Variants in RFC3 observed in about 807,000 individuals in gnomAD.
The protein encoded by RFC3 is A1 38 kDa subunit.
Under a neutral mutation model 45.1 loss-of-function variants are expected in RFC3, and 41 were observed. The observed-to-expected ratio is 0.91, with a 90% CI of 0.71 to 1.18. The LOEUF (loss-of-function observed/expected upper bound fraction) is 1.18. Among genes scored for constraint, RFC3 ranks in the 50% most tolerant of loss-of-function variants. RFC3 has a pLI of 0.00. For missense variants in RFC3, 423 were observed against 428.1 expected (o/e 0.99, Z 0.10); for synonymous variants, 149 against 144.0 (o/e 1.03, Z -0.25).
chr13:33,875,374 A>G (rs1398158965), intron 8 of RFC3, among the ~76,000 whole-genome samples: 1 of 152,234 alleles, frequency 6.6e-6, no homozygotes, highest in Non-Finnish European at 1.5e-5. Flanking sequence ...TGAGACCTGC[A>G]GAATGACGAA....
intron 7 of RFC3, among the ~76,000 whole-genome samples, chr13:33,834,329 T>TATATATATATATATACACATCC (rs1300798923): frequency 8.0e-6 from 1 of 125,106 alleles, no homozygotes; most frequent in South Asian, 2.6e-4. Flanking sequence ...TATATATATA[T>TATATATATATATATACACATCC]ATCTGTACTG....
chr13:33,942,446 C>G (rs149745719), intron 8 of RFC3, among the ~76,000 whole-genome samples: 13 of 152,096 alleles, frequency 8.5e-5, no homozygotes, highest in African/African-American at 2.4e-4. Context: ...TTGCCTCAAG[C>G]CTTTATCATT....
At chr13:33,818,881 G>GTTTTTTTTT (rs72236854) in intron 1 of RFC3, among the ~76,000 whole-genome samples, 1 of 112,040 alleles carries the variant, frequency 8.9e-6, no homozygotes, top group Non-Finnish European at 1.9e-5. Context: ...CCTGAGATTA[G>GTTTTTTTTT]TTTTTTTTTT....
At chr13:33,844,091 G>T (rs941573959) in intron 8 of RFC3, among the ~76,000 whole-genome samples, 6 of 152,162 alleles carry the variant, frequency 3.9e-5, no homozygotes, top group African/African-American at 7.2e-5. Flanking sequence ...ATTGTGAATA[G>T]TATCTAGTGG....
chr13:33,877,782 G>A (rs1323864250), intron 8 of RFC3, among the ~76,000 whole-genome samples: 1 of 147,858 alleles, frequency 6.8e-6, no homozygotes, highest in African/African-American at 2.5e-5. Context: ...AAATGAAAAG[G>A]TTTTATTATT....
chr13:33,860,689 C>T (rs78245478), intron 8 of RFC3, among the ~76,000 whole-genome samples: 4,550 of 152,202 alleles, frequency 0.03, 135 homozygotes, highest in African/African-American at 0.069. Flanking sequence ...GGAAATGAAC[C>T]GTGTTATATT....
At chr13:33,920,017 T>C (rs2082757965) in intron 8 of RFC3, among the ~76,000 whole-genome samples, 1 of 152,130 alleles carries the variant, frequency 6.6e-6, no homozygotes, top group Non-Finnish European at 1.5e-5. Flanking sequence ...GCCCTAGAAA[T>C]TTTACTCTTG....
chr13:33,879,478 G>A (rs1043120157), intron 8 of RFC3, among the ~76,000 whole-genome samples: 9 of 152,106 alleles, frequency 5.9e-5, no homozygotes, highest in African/African-American at 1.7e-4. Context: ...TCACTCCCAC[G>A]AAGTTTTACA....
At position 33,924,727 on chromosome 13, in the gene RFC3, GTATATA is replaced by G. The variant is rs36101784; in HGVS notation, c.880-41348_880-41343del. Among the ~76,000 whole-genome samples the G allele has an allele frequency of 1.7e-3, 151 of 89,266 alleles. 1 individual carries two copies. The highest frequency in any genetic ancestry group is 9.0e-3 in the African/African-American group (133 of 14,844). The allele number at this position is 89,266 out of a possible 152,430, so 58.6% of individuals were successfully genotyped here. A position where few individuals can be genotyped will look rare whatever the true frequency, so the allele number is the denominator to read the frequency against. ...TGTATGTGTGTGTGTGTGTGTGTGT[GTATATA>G]TATATATATATCAGGGCCTGGTGAT... On this transcript the variant is annotated intron_variant, in intron 8 of 8. Transcript: ENST00000434425.
intron 8 of RFC3, among the ~76,000 whole-genome samples, chr13:33,938,323 C>T (rs922959864): frequency 1.3e-5 from 2 of 151,876 alleles, no homozygotes; most frequent in African/African-American, 2.4e-5. Context: ...TGCTCTATCC[C>T]GTTTTTAAAA....
At chr13:33,859,859 C>A (rs554946678) in intron 8 of RFC3, among the ~76,000 whole-genome samples, 1 of 152,122 alleles carries the variant, frequency 6.6e-6, no homozygotes, top group Non-Finnish European at 1.5e-5. Flanking sequence ...TTGTCCCCAT[C>A]ACCCCCAAAT....
chr13:33,891,476 T>C (rs2082562868), intron 8 of RFC3, among the ~76,000 whole-genome samples: 1 of 152,156 alleles, frequency 6.6e-6, no homozygotes, highest in South Asian at 2.1e-4. Context: ...CCTGATACAA[T>C]AAATTTGCAA....
At chr13:33,918,354 A>G (rs1303987162) in intron 8 of RFC3, among the ~76,000 whole-genome samples, 1 of 152,132 alleles carries the variant, frequency 6.6e-6, no homozygotes, top group Admixed American at 6.6e-5. Flanking sequence ...CCAGGCTGCT[A>G]GGATTCAAAC....
intron 8 of RFC3, among the ~76,000 whole-genome samples, chr13:33,896,282 A>C (rs1263099237): frequency 6.6e-6 from 1 of 152,172 alleles, no homozygotes; most frequent in Middle Eastern, 3.4e-3. Flanking sequence ...AAACTTTCCA[A>C]ATCTTCAAAT....
chr13:33,897,158 A>G (rs1297607710), intron 8 of RFC3, among the ~76,000 whole-genome samples: 4 of 152,166 alleles, frequency 2.6e-5, no homozygotes, highest in South Asian at 4.1e-4. Context: ...TCTAGTTTGA[A>G]ACTCCAAAGA....
At chr13:33,883,931 TTAAAAG>T (rs1196388524) in intron 8 of RFC3, among the ~76,000 whole-genome samples, 1 of 152,002 alleles carries the variant, frequency 6.6e-6, no homozygotes, top group African/African-American at 2.4e-5. Flanking sequence ...ACCCCTGAAC[TTAAAAG>T]TAAAAAAAAA....
intron 8 of RFC3, among the ~76,000 whole-genome samples, chr13:33,962,724 T>C (rs930838587): frequency 6.6e-6 from 1 of 152,152 alleles, no homozygotes; most frequent in Non-Finnish European, 1.5e-5. Flanking sequence ...AAATAAAAGA[T>C]TCTAAGTTCC....
At chr13:33,833,029 T>C (rs571600843) in intron 7 of RFC3, among the ~76,000 whole-genome samples, 8 of 152,324 alleles carry the variant, frequency 5.3e-5, no homozygotes, top group African/African-American at 1.9e-4. Context: ...TGCTCCTGTT[T>C]CCTGTTTAAA....
At chr13:33,845,456 A>G (rs888942320) in intron 8 of RFC3, among the ~76,000 whole-genome samples, 3 of 151,962 alleles carry the variant, frequency 2.0e-5, no homozygotes, top group African/African-American at 7.3e-5. Flanking sequence ...GGCATGCTTC[A>G]TTCTTTTTTA....
Sources: gnomAD v4.1 joint callset for allele counts (sites outside exome capture counted in the v4.1 genomes callset) on GRCh38, gnomAD v4.1.1 for gene constraint, MANE v1.5 for transcripts, NCBI Gene and HGNC (gene_info 2026-07-23, HGNC 2026-07-21) for gene names.